MTTP: variants seen among roughly 807,000 people sequenced by gnomAD.
The protein encoded by MTTP is microsomal triglyceride transfer protein large subunit.
A neutral mutation model predicts 90.6 loss-of-function variants in MTTP; 49 were observed. The ratio of observed to expected loss-of-function variants is 0.54; its 90% confidence interval spans 0.43 to 0.69. The LOEUF is 0.69. Among genes scored for constraint, MTTP ranks in the 30% least tolerant of loss-of-function variants. The pLI, the probability that MTTP is intolerant of heterozygous loss-of-function variation, is 0.00. For missense variants in MTTP, 945 were observed against 1,067.5 expected, an observed-to-expected ratio of 0.89 and a Z score of 1.60; for synonymous variants, 347 against 384.2, an observed-to-expected ratio of 0.90 and a Z score of 1.13.
At position 99,589,658 on chromosome 4, in the gene MTTP, T is replaced by C; in HGVS notation, c.409T>C (p.Ser137Pro). Reference protein sequence around the residue: ...LIHGKVKEFYSYQNEAVAIEN... With the variant: ...LIHGKVKEFYPYQNEAVAIEN... ...TCCCCACCAGGTCAAAGAGTTCTAC[T>C]CATATCAAAATGAGGCAGTGGCCAT... Residue 137 changes from serine (S) to proline (P), a missense_variant, in exon 4 of 18, where the codon TCA becomes CCA. By Grantham distance (74) the Ser-to-Pro change is moderately conservative. Coordinates refer to ENST00000265517, the MANE Select transcript of MTTP (RefSeq NM_001386140.1). 2.5e-6 allele frequency: 4 copies of C among 1,600,174 alleles called. No homozygotes were observed. The highest frequency in any genetic ancestry group is 3.4e-6 in the Non-Finnish European group (4 of 1,167,904).
intron 11 of MTTP, among the ~76,000 whole-genome samples, chr4:99,608,320 C>T (rs1725868682): frequency 6.6e-6 from 1 of 152,194 alleles, no homozygotes; most frequent in South Asian, 2.1e-4. Flanking sequence ...TGGCACACGC[C>T]TCTAGTCACA....
At chr4:99,597,934 G>A (rs1189656675) in intron 8 of MTTP, among the ~76,000 whole-genome samples, 1 of 152,034 alleles carries the variant, frequency 6.6e-6, no homozygotes, top group East Asian at 1.9e-4. Context: ...TATAGAACAA[G>A]GCCCAATTAA....
At chr4:99,619,121 T>C (rs1247380917) in intron 16 of MTTP, 23 bp downstream of exon 16, 1 of 1,597,292 alleles carries the variant, frequency 6.3e-7, no homozygotes, top group Non-Finnish European at 8.6e-7. Context: ...GCATTATACA[T>C]TTATGAATTA....
intron 10 of MTTP, among the ~76,000 whole-genome samples, chr4:99,603,899 C>T (rs1018318864): frequency 1.2e-4 from 19 of 152,166 alleles, no homozygotes; most frequent in African/African-American, 4.6e-4. Flanking sequence ...TAAAGTTCTT[C>T]TGATAATGGA....
At chr4:99,590,104 C>CT (rs11376480) in intron 4 of MTTP, among the ~76,000 whole-genome samples, 10,571 of 151,160 alleles carry the variant, frequency 0.07, 603 homozygotes, top group African/African-American at 0.15. Flanking sequence ...ACCCGAACGT[C>CT]TTTTTTTTTG....
intron 10 of MTTP, among the ~76,000 whole-genome samples, chr4:99,603,443 C>A (rs1355942797): frequency 6.6e-6 from 1 of 152,024 alleles, no homozygotes; most frequent in Non-Finnish European, 1.5e-5. Context: ...TGAGATCTGA[C>A]TGGAAGCATT....
At chr4:99,564,272 CTG>C in intron 1 of MTTP, 1 of 1,523,058 alleles carries the variant, frequency 6.6e-7, no homozygotes, top group Non-Finnish European at 8.8e-7. Context: ...GATAGTCCCA[CTG>C]TTAAAAATGC....
chr4:99,567,481 A>G (rs1240360466), intron 1 of MTTP, among the ~76,000 whole-genome samples: 3 of 152,224 alleles, frequency 2.0e-5, no homozygotes, highest in African/African-American at 4.8e-5. Flanking sequence ...CCAACAAAAA[A>G]TCACTAAAAA....
chr4:99,583,524 G>A lies in MTTP; in HGVS notation c.393+7G>A, dbSNP rs371894739. 10 of 1,613,432 alleles carry A rather than the reference G, an allele frequency of 6.2e-6. No homozygotes were observed. In the African/African-American group the frequency reaches 8.0e-5, roughly 13 times the overall value. On this transcript the variant is annotated splice_region_variant and intron_variant, in intron 3 of 17. Coordinates refer to ENST00000265517, the MANE Select transcript of MTTP (RefSeq NM_001386140.1). Reference sequence around the variant, plus strand: ...TCATCTAATCCATGGAAAGGTAAAGGGGCGTTTAGATTCCACAACTTTTTC... The same window carrying A: ...TCATCTAATCCATGGAAAGGTAAAGAGGCGTTTAGATTCCACAACTTTTTC...
At chr4:99,566,121 C>T (rs1724688356) in intron 1 of MTTP, among the ~76,000 whole-genome samples, 1 of 151,576 alleles carries the variant, frequency 6.6e-6, no homozygotes, top group South Asian at 2.1e-4. Flanking sequence ...AACCCCGTCT[C>T]TGCTGAAAAT....
intron 6 of MTTP, 30 bp from the exon 7 acceptor site, chr4:99,594,703 A>T (rs1725507876): frequency 6.2e-7 from 1 of 1,612,364 alleles, no homozygotes; most frequent in African/African-American, 1.3e-5. Flanking sequence ...GAATGATTAT[A>T]ATATAGCATT....
At chr4:99,594,940 C>T (rs1376683097) in intron 7 of MTTP, 57 bp downstream of exon 7, 3 of 1,594,252 alleles carry the variant, frequency 1.9e-6, no homozygotes, top group Admixed American at 1.7e-5. Flanking sequence ...TTCATTTTGT[C>T]TCCAGTGAAA....
chr4:99,592,765 G>A (rs1369736014), intron 6 of MTTP, among the ~76,000 whole-genome samples: 1 of 152,126 alleles, frequency 6.6e-6, no homozygotes, highest in Admixed American at 6.6e-5. Context: ...CCTGCCTGAG[G>A]CTGTCTTACA....
chr4:99,600,532 C>G (rs1560620962), intron 8 of MTTP, 33 bp from the exon 9 acceptor site: 1 of 1,601,008 alleles, frequency 6.2e-7, no homozygotes, highest in East Asian at 2.2e-5. Context: ...TTCCCCTAAA[C>G]ATTGATATCC....
chr4:99,617,560 G>A (rs1246897025), intron 15 of MTTP, among the ~76,000 whole-genome samples: 2 of 152,084 alleles, frequency 1.3e-5, no homozygotes, highest in African/African-American at 2.4e-5. Flanking sequence ...TCATCCTGCC[G>A]GTTGCCAGGA....
upstream of MTTP, chr4:99,574,598 T>G: frequency 6.3e-6 from 3 of 478,536 alleles, no homozygotes; most frequent in Non-Finnish European, 1.1e-5. Flanking sequence ...ACTTCTGCAT[T>G]TATAGGATGG....
intron 12 of MTTP, 78 bp from the exon 13 acceptor site, chr4:99,611,065 A>AT (rs5860586): frequency 2.0e-3 from 2,842 of 1,414,680 alleles, no homozygotes; most frequent in Middle Eastern, 2.8e-3. Flanking sequence ...TCCACTGAGG[A>AT]TTTTTTTTTT....
At chr4:99,575,987 A>G (rs748907704) in intron 1 of MTTP, among the ~76,000 whole-genome samples, 1 of 152,252 alleles carries the variant, frequency 6.6e-6, no homozygotes, top group Non-Finnish European at 1.5e-5. Context: ...AAATTTCCAC[A>G]TGAGGAAAAA....
rs1344031920 is a variant in MTTP, at chr4:99,577,623, G to GA, written c.61+2656dup. ...TCTGTTTCAAAAAAAAAAAAAAAAA[G>GA]AAAGAAAAGAAAGAAAGGAAGGAAG... On this transcript the variant is annotated intron_variant, in intron 1 of 17. Coordinates refer to ENST00000265517, the MANE Select transcript of MTTP (RefSeq NM_001386140.1). Among the ~76,000 whole-genome samples, 221 of 121,998 alleles carry GA rather than the reference G, an allele frequency of 1.8e-3. 6 individuals are homozygous for GA. In the South Asian group the frequency reaches 0.046, roughly 26 times the overall value. 80.0% of individuals were successfully genotyped at this position (121,998 alleles called of 152,430 possible).
Sources: allele counts gnomAD v4.1 joint callset (sites outside exome capture counted in the v4.1 genomes callset), GRCh38; gene constraint gnomAD v4.1.1; transcripts MANE v1.5; gene names NCBI Gene and HGNC (gene_info 2026-07-23, HGNC 2026-07-21).